Variants in NRXN1 observed in about 807,000 individuals in gnomAD.
The protein encoded by NRXN1 is neurexin 1.
In NRXN1, 39 loss-of-function variants were observed where a neutral mutation model predicts 150.9. That is an observed-to-expected ratio of 0.26 (90% CI 0.20 to 0.34). The LOEUF (loss-of-function observed/expected upper bound fraction) is 0.34. NRXN1 is among the 10% of genes least tolerant of loss of function. The pLI is 1.00. For synonymous variants in NRXN1, 924 were observed against 757.0 expected (o/e 1.22, Z -3.62); for missense variants, 1,815 against 1,949.9 (o/e 0.93, Z 1.30).
At chr2:50,627,066 A>G (rs1227185344) in intron 5 of NRXN1, among the ~76,000 whole-genome samples, 1 of 151,934 alleles carries the variant, frequency 6.6e-6, no homozygotes, top group Non-Finnish European at 1.5e-5. Flanking sequence ...AAATTGACAT[A>G]AAACGAAAAG....
At chr2:50,657,824 T>C (rs1408722386) in intron 5 of NRXN1, among the ~76,000 whole-genome samples, 1 of 152,040 alleles carries the variant, frequency 6.6e-6, no homozygotes, top group Non-Finnish European at 1.5e-5. Context: ...GCTGTTATTA[T>C]CCACAACTGA....
chr2:50,967,815 T>G (rs926695045), intron 2 of NRXN1, among the ~76,000 whole-genome samples: 4 of 152,004 alleles, frequency 2.6e-5, no homozygotes, highest in African/African-American at 9.7e-5. Context: ...AGGTCTTTTC[T>G]AGAAGTTTGA....
chr2:50,934,792 G>A (rs1037939625), intron 2 of NRXN1, among the ~76,000 whole-genome samples: 5 of 152,246 alleles, frequency 3.3e-5, no homozygotes, highest in African/African-American at 1.2e-4. Context: ...GGAGAACTTT[G>A]TAATATTTCC....
At chr2:50,823,631 CTACATGCTAATTAAG>C (rs1359733350) in intron 5 of NRXN1, among the ~76,000 whole-genome samples, 2 of 152,042 alleles carry the variant, frequency 1.3e-5, no homozygotes, top group Non-Finnish European at 2.9e-5. Flanking sequence ...AGTGTTTTGT[CTACATGCTAATTAAG>C]TACGCCAAAT....
intron 17 of NRXN1, among the ~76,000 whole-genome samples, chr2:50,240,482 G>T (rs1226261326): frequency 6.6e-6 from 1 of 151,542 alleles, no homozygotes. Context: ...TATTCTTAAA[G>T]CCCTCTTTTC....
chr2:50,479,767 CTT>C (rs35301086), intron 15 of NRXN1, among the ~76,000 whole-genome samples: 4 of 79,864 alleles, frequency 5.0e-5, no homozygotes, highest in Non-Finnish European at 8.6e-5. Flanking sequence ...ATTTCTTTTT[CTT>C]TTTTTTTTTT....
At chr2:50,351,855 A>G (rs1409224278) in intron 17 of NRXN1, among the ~76,000 whole-genome samples, 1 of 152,048 alleles carries the variant, frequency 6.6e-6, no homozygotes, top group Non-Finnish European at 1.5e-5. Flanking sequence ...TTTGGAAGAC[A>G]TTTTTTTCAG....
chr2:50,458,224 G>GT (rs1342544453), intron 17 of NRXN1, among the ~76,000 whole-genome samples: 1 of 152,102 alleles, frequency 6.6e-6, no homozygotes, highest in Non-Finnish European at 1.5e-5. Flanking sequence ...GTGCGAGCTA[G>GT]TAAAATTGAC....
At chr2:49,956,248 A>T (rs1225584920) in intron 21 of NRXN1, among the ~76,000 whole-genome samples, 1 of 152,166 alleles carries the variant, frequency 6.6e-6, no homozygotes. Flanking sequence ...AAACAAAAGT[A>T]CCTTAGAGTT....
At chr2:50,664,621 CA>C (rs1396619929) in intron 5 of NRXN1, among the ~76,000 whole-genome samples, 1 of 151,810 alleles carries the variant, frequency 6.6e-6, no homozygotes, top group East Asian at 1.9e-4. Context: ...TTGGGTTACA[CA>C]ATGTCCTTCA....
At chr2:50,851,177 T>C (rs960499732) in intron 5 of NRXN1, among the ~76,000 whole-genome samples, 1 of 152,066 alleles carries the variant, frequency 6.6e-6, no homozygotes, top group Admixed American at 6.5e-5. Flanking sequence ...TTAGTACACA[T>C]TGTTTCCTGC....
At chr2:50,634,800 A>G (rs886727004) in intron 5 of NRXN1, among the ~76,000 whole-genome samples, 2 of 152,078 alleles carry the variant, frequency 1.3e-5, no homozygotes, top group South Asian at 4.1e-4. Context: ...AGGGGAAGAG[A>G]AAAGAGCAGT....
chr2:50,705,145 T>C (rs17040965), intron 5 of NRXN1, among the ~76,000 whole-genome samples: 3 of 152,020 alleles, frequency 2.0e-5, no homozygotes, highest in East Asian at 1.9e-4. Context: ...AATAATTATC[T>C]AGTTTGCTGA....
At chr2:50,696,538 G>A (rs1692893366) in intron 5 of NRXN1, among the ~76,000 whole-genome samples, 1 of 152,116 alleles carries the variant, frequency 6.6e-6, no homozygotes. Flanking sequence ...ATGGGGTGAA[G>A]CAGGCGGAGA....
At chr2:50,593,880 A>C (rs959694936) in intron 8 of NRXN1, among the ~76,000 whole-genome samples, 3 of 152,240 alleles carry the variant, frequency 2.0e-5, no homozygotes, top group Non-Finnish European at 4.4e-5. Context: ...TTGCATGAGG[A>C]TGATACCCTT....
intron 17 of NRXN1, among the ~76,000 whole-genome samples, chr2:50,364,795 T>C (rs956224695): frequency 6.6e-6 from 1 of 152,032 alleles, no homozygotes; most frequent in African/African-American, 2.4e-5. Context: ...AAAAGCAATT[T>C]CCTACTTGAG....
intron 2 of NRXN1, among the ~76,000 whole-genome samples, chr2:50,982,623 A>G (rs1186848055): frequency 6.6e-6 from 1 of 152,134 alleles, no homozygotes; most frequent in Non-Finnish European, 1.5e-5. Context: ...ACCCAAAGTT[A>G]TCAATAAGGC....
chr2:50,053,696 A>G, intron 20 of NRXN1, 106 bp from the exon 21 acceptor site: 1 of 1,132,920 alleles, frequency 8.8e-7, no homozygotes. Context: ...AGAGCAATAA[A>G]CTATAAGAGA....
rs367882242 is a variant in NRXN1, at chr2:50,090,866, C to T, written c.3718+457G>A. On this transcript the variant is annotated intron_variant, in intron 19 of 22. Transcript: ENST00000401669. ...TAGTTCTCTACTTATCTCACGGGAT[C>T]CCTACACTTTAATGTGTTTCAGCTG... 1.4e-4 allele frequency among the ~76,000 whole-genome samples: 22 copies of T among 152,202 alleles called. No individual in the cohort carries two copies. The East Asian group carries it at 3.9e-3, about 27-fold the overall frequency.
Sources: gnomAD v4.1 joint callset for allele counts (sites outside exome capture counted in the v4.1 genomes callset) on GRCh38, gnomAD v4.1.1 for gene constraint, MANE v1.5 for transcripts, NCBI Gene and HGNC (gene_info 2026-07-23, HGNC 2026-07-21) for gene names.